CDIN1: variants seen among roughly 807,000 people sequenced by gnomAD.
CDIN1 encodes the protein CDAN1 interacting nuclease 1.
In CDIN1, 33 loss-of-function variants were observed where a neutral mutation model predicts 45.3. That is an observed-to-expected ratio of 0.73 (90% confidence interval 0.55 to 0.97). The LOEUF is 0.97. Ranked by LOEUF, CDIN1 falls within the 50% of genes least tolerant of loss-of-function variation. The pLI, the probability that CDIN1 is intolerant of heterozygous loss-of-function variation, is 0.00. For missense variants in CDIN1, 303 were observed against 339.4 expected (o/e 0.89, Z 0.84); for synonymous variants, 118 against 124.4 (o/e 0.95, Z 0.34).
intron 1 of CDIN1, among the ~76,000 whole-genome samples, chr15:36,599,584 CAT>C (rs1350480533): frequency 3.9e-5 from 6 of 152,190 alleles, no homozygotes; most frequent in African/African-American, 1.4e-4. Context: ...ATTTATACAA[CAT>C]ATGTTGAGCT....
intron 5 of CDIN1, among the ~76,000 whole-genome samples, chr15:36,659,966 C>CTTTT (rs778988517): frequency 0.17 from 17,726 of 105,250 alleles, 1,881 homozygotes; most frequent in Admixed American, 0.27. Flanking sequence ...CCTTCCTTTT[C>CTTTT]TTTTTTTTTT....
intron 10 of CDIN1, among the ~76,000 whole-genome samples, chr15:36,794,916 T>A (rs1169065872): frequency 1.3e-5 from 2 of 152,110 alleles, no homozygotes; most frequent in Non-Finnish European, 2.9e-5. Flanking sequence ...ATGAAGAAAA[T>A]GTGTATGTAT....
intron 10 of CDIN1, among the ~76,000 whole-genome samples, chr15:36,791,173 A>T (rs190092395): frequency 1.6e-4 from 25 of 152,136 alleles, no homozygotes; most frequent in Admixed American, 3.9e-4. Context: ...CATTCAGCCC[A>T]TCTTACATAT....
At chr15:36,659,709 AT>A (rs2040920169) in intron 5 of CDIN1, among the ~76,000 whole-genome samples, 1 of 151,490 alleles carries the variant, frequency 6.6e-6, no homozygotes, top group Admixed American at 6.6e-5. Context: ...TGAAGGCACC[AT>A]TTTAACTCCC....
At chr15:36,684,671 T>C (rs2041976111) in intron 5 of CDIN1, among the ~76,000 whole-genome samples, 1 of 152,100 alleles carries the variant, frequency 6.6e-6, no homozygotes, top group South Asian at 2.1e-4. Context: ...CTCCTCCTTG[T>C]ACCTCTGGTA....
intron 10 of CDIN1, among the ~76,000 whole-genome samples, chr15:36,750,091 G>A (rs1205048240): frequency 3.3e-5 from 5 of 152,078 alleles, no homozygotes; most frequent in East Asian, 1.9e-4. Flanking sequence ...GTTGGTTCGC[G>A]GTGGTGGTGT....
intron 1 of CDIN1, among the ~76,000 whole-genome samples, chr15:36,598,942 G>T (rs978600105): frequency 6.6e-6 from 1 of 152,084 alleles, no homozygotes; most frequent in Non-Finnish European, 1.5e-5. Flanking sequence ...CTTTGGATGG[G>T]AGCTGTGTGC....
intron 1 of CDIN1, chr15:36,613,871 G>A: frequency 6.3e-7 from 1 of 1,579,150 alleles, no homozygotes; most frequent in Non-Finnish European, 8.7e-7. Context: ...TTGTAAGTGG[G>A]TGATCACTGA....
intron 5 of CDIN1, among the ~76,000 whole-genome samples, chr15:36,671,913 A>G (rs989896323): frequency 2.6e-5 from 4 of 152,112 alleles, no homozygotes; most frequent in African/African-American, 9.7e-5. Context: ...AGAACTTCAG[A>G]ATACATCAGT....
chr15:36,705,211 GT>G (rs1478898164), intron 8 of CDIN1: 1 of 152,140 alleles, frequency 6.6e-6, no homozygotes, highest in Non-Finnish European at 1.5e-5. Flanking sequence ...ATCTTTGGAT[GT>G]GGTTTTATTG....
chr15:36,594,774 G>T (rs1243582269), intron 1 of CDIN1: 2 of 277,664 alleles, frequency 7.2e-6, no homozygotes, highest in South Asian at 1.4e-4. Context: ...GAGGTGTATT[G>T]GTGCCTATGT....
In CDIN1 at chr15:36,709,544, A is replaced by T. The variant is rs73381775; in HGVS notation, c.610+256A>T. 0.034 allele frequency among the ~76,000 whole-genome samples: 5,102 copies of T among 152,250 alleles called. 303 individuals are homozygous for T. Among genetic ancestry groups the T allele is most frequent in the African/African-American group, 0.12 (4,842 of 41,544 alleles). ...TATTTCTCTAAATTTCAAATTCCTTAAACATAGATCTCTTGAAAAGCCAGA... is the reference window on the plus strand; with the variant it reads ...TATTTCTCTAAATTTCAAATTCCTTTAACATAGATCTCTTGAAAAGCCAGA... On this transcript the variant is annotated intron_variant, in intron 9 of 10. Coordinates refer to ENST00000566621, the MANE Select transcript of CDIN1 (RefSeq NM_001321759.2).
At chr15:36,592,277 A>G (rs989224778) in intron 1 of CDIN1, among the ~76,000 whole-genome samples, 1 of 152,146 alleles carries the variant, frequency 6.6e-6, no homozygotes, top group South Asian at 2.1e-4. Flanking sequence ...TCCAGACTCT[A>G]CAAACCGCGA....
intron 5 of CDIN1, among the ~76,000 whole-genome samples, chr15:36,664,550 C>G (rs536832122): frequency 6.6e-6 from 1 of 152,102 alleles, no homozygotes; most frequent in East Asian, 1.9e-4. Context: ...GTTTATTGAT[C>G]ACACTTTTTT....
chr15:36,641,517 A>G (rs908866252), intron 1 of CDIN1: 18 of 152,248 alleles, frequency 1.2e-4, no homozygotes, highest in Admixed American at 3.3e-4. Flanking sequence ...GGGAGATAGC[A>G]TGGGAAAAAT....
intron 8 of CDIN1, among the ~76,000 whole-genome samples, chr15:36,704,160 C>T (rs1237148961): frequency 1.3e-5 from 2 of 152,108 alleles, no homozygotes; most frequent in East Asian, 1.9e-4. Flanking sequence ...TACCTAGCCT[C>T]TCCACACTGT....
chr15:36,588,935 C>G (rs1182790951), intron 1 of CDIN1, among the ~76,000 whole-genome samples: 1 of 151,990 alleles, frequency 6.6e-6, no homozygotes, highest in East Asian at 1.9e-4. Flanking sequence ...AATTATATTT[C>G]TTATTAATTT....
chr15:36,639,787 GA>G (rs2040034571), intron 1 of CDIN1, among the ~76,000 whole-genome samples: 1 of 152,114 alleles, frequency 6.6e-6, no homozygotes, highest in South Asian at 2.1e-4. Context: ...TGAGGGTCCG[GA>G]AACCAGTCCC....
At chr15:36,745,241 A>T (rs1273815068) in intron 10 of CDIN1, among the ~76,000 whole-genome samples, 2 of 152,182 alleles carry the variant, frequency 1.3e-5, no homozygotes, top group Admixed American at 6.6e-5. Context: ...ATTTGTTATC[A>T]GCCCAGGACC....
Sources: allele counts gnomAD v4.1 joint callset (sites outside exome capture counted in the v4.1 genomes callset), GRCh38; gene constraint gnomAD v4.1.1; transcripts MANE v1.5; gene names NCBI Gene and HGNC (gene_info 2026-07-23, HGNC 2026-07-21).